Variants in ARHGEF3 observed in about 807,000 individuals in gnomAD.
ARHGEF3 encodes 59.8 kDA protein.
A neutral mutation model predicts 63.2 loss-of-function variants in ARHGEF3; 28 were observed. That is an observed-to-expected ratio of 0.44 (90% CI 0.33 to 0.61). ARHGEF3 has a LOEUF of 0.61. Ranked by LOEUF, ARHGEF3 falls within the 20% of genes least tolerant of loss-of-function variation. The probability of loss-of-function intolerance (pLI) is 0.03; values close to 1 mark genes in which losing one functional copy is unlikely to be tolerated. For missense variants in ARHGEF3, 533 were observed against 659.3 expected (o/e 0.81, Z 2.10); for synonymous variants, 266 against 254.2 (o/e 1.05, Z -0.44).
intron 4 of ARHGEF3, among the ~76,000 whole-genome samples, chr3:56,846,260 C>A (rs902279089): frequency 6.6e-5 from 10 of 152,136 alleles, no homozygotes; most frequent in Admixed American, 1.3e-4. Context: ...CAAAGGAGCA[C>A]AAGAACACAA....
intron 1 of ARHGEF3, among the ~76,000 whole-genome samples, chr3:57,052,818 G>C (rs957380817): frequency 2.0e-5 from 3 of 152,138 alleles, no homozygotes; most frequent in Admixed American, 2.0e-4. Context: ...CACCCAGCAG[G>C]AGTACCCAAG....
chr3:56,753,554 G>C lies in ARHGEF3; in HGVS notation c.388C>G (p.Leu130Val). ...ATCAAGTCTTCTTCTCCTTGGGAAA[G>C]CTCAAAGATCGCCTGCAAGGAAAGA... is the stretch of plus-strand genomic sequence containing the variant. ...EIKRQEAIFE[L>V]SQGEEDLIED... is the part of the protein sequence containing the mutation. Residue 130 changes from leucine to valine, a missense_variant, in exon 4 of 10, where the codon CTT becomes GTT. Leu to Val is a conservative substitution (Grantham distance 32). Coordinates refer to ENST00000296315, the MANE Select transcript of ARHGEF3 (RefSeq NM_019555.3). The C allele has an allele frequency of 6.2e-7, 1 of 1,613,488 alleles. No homozygotes were observed. Among genetic ancestry groups the C allele is most frequent in the Non-Finnish European group, 8.5e-7 (1 of 1,179,878 alleles).
rs2032865252 is a variant in ARHGEF3 at position 56,728,367 on chromosome 3, G to C, written c.*903C>G. ...TTCCTCTCCTGTGTTTCTATAAACA[G>C]TGTCATCGATAGAGTCATGGTCTCT... On this transcript the variant is annotated 3_prime_UTR_variant, in exon 10 of 10. Coordinates refer to ENST00000296315, the MANE Select transcript of ARHGEF3 (RefSeq NM_019555.3). 6.6e-6 allele frequency: 1 copy of C among 152,656 alleles called. No individual in the cohort carries two copies. The highest frequency in any genetic ancestry group is 1.5e-5 in the Non-Finnish European group (1 of 68,074). 9.5% of individuals were successfully genotyped at this position (152,656 alleles called of 1,614,324 possible).
chr3:56,871,276 C>T (rs146801983), intron 4 of ARHGEF3, among the ~76,000 whole-genome samples: 3 of 151,972 alleles, frequency 2.0e-5, no homozygotes, highest in African/African-American at 7.2e-5. Flanking sequence ...TGACATTTTA[C>T]CCCTAAACAC....
At chr3:57,079,254 C>T (rs1405724360) in exon 1 of ARHGEF3, 9 of 396,304 alleles carry the variant, frequency 2.3e-5, no homozygotes, top group Non-Finnish European at 3.6e-5. Context: ...TCGGCCTCTC[C>T]AGGCTGGAAA....
chr3:56,766,631 C>G (rs1360724408), intron 2 of ARHGEF3, among the ~76,000 whole-genome samples: 4 of 152,318 alleles, frequency 2.6e-5, no homozygotes. Flanking sequence ...CCTTGGCTTG[C>G]ATGGAAAACC....
At chr3:57,064,167 G>C (rs1281216601) in intron 1 of ARHGEF3, among the ~76,000 whole-genome samples, 1 of 152,112 alleles carries the variant, frequency 6.6e-6, no homozygotes, top group African/African-American at 2.4e-5. Context: ...TAACCCGGAA[G>C]CTGAGGTCAG....
At chr3:56,736,061 C>CACACAA (rs1478332199) in intron 8 of ARHGEF3, among the ~76,000 whole-genome samples, 6 of 108,882 alleles carry the variant, frequency 5.5e-5, no homozygotes, top group South Asian at 1.1e-3. Context: ...CACACACACA[C>CACACAA]ACACACACAC....
rs1481230275 is a variant in ARHGEF3 at position 56,773,774 on chromosome 3, A to G, written c.139T>C (p.Ser47Pro). Residue 47 changes from serine to proline, a missense_variant, in exon 2 of 10, where the codon TCG becomes CCG. By Grantham distance (74) the Ser-to-Pro change is moderately conservative (BLOSUM62 -1). Around this residue, in one of 4 missense-constraint regions of ARHGEF3, gnomAD observed 160 missense variants for 157.3 expected, o/e 1.02. Coordinates refer to ENST00000296315, the MANE Select transcript of ARHGEF3 (RefSeq NM_019555.3). Reference protein sequence around the residue: ...KRVKPLSRVTSLANLIPPVKA... With the variant: ...KRVKPLSRVTPLANLIPPVKA... Reference sequence around the variant, plus strand: ...ACGGGCGGGATGAGGTTTGCTAGCGACGTGACTCGGGAAAGGGGTTTGACC... The same window carrying G: ...ACGGGCGGGATGAGGTTTGCTAGCGGCGTGACTCGGGAAAGGGGTTTGACC... 2.5e-6 allele frequency: 4 copies of G among 1,603,284 alleles called. No individual in the cohort carries two copies. The East Asian group carries it at 9.0e-5, about 36-fold the overall frequency.
chr3:56,795,016 G>A (rs1448180366), intron 1 of ARHGEF3, among the ~76,000 whole-genome samples: 5 of 138,948 alleles, frequency 3.6e-5, no homozygotes, highest in African/African-American at 1.1e-4. Flanking sequence ...GTGTTACCAC[G>A]CTTGGTGAAT....
chr3:57,027,816 G>A (rs534705289), intron 2 of ARHGEF3, among the ~76,000 whole-genome samples: 215 of 152,118 alleles, frequency 1.4e-3, no homozygotes, highest in African/African-American at 4.7e-3. Flanking sequence ...CCGAGATCAC[G>A]CCATTGCACT....
chr3:56,802,884 C>T (rs1212424033), upstream of ARHGEF3, among the ~76,000 whole-genome samples: 1 of 152,178 alleles, frequency 6.6e-6, no homozygotes, highest in Non-Finnish European at 1.5e-5. Flanking sequence ...CTTAAATAAA[C>T]TTTCTTCACT....
At chr3:56,734,989 A>G (rs1194965904) in intron 8 of ARHGEF3, among the ~76,000 whole-genome samples, 2 of 152,158 alleles carry the variant, frequency 1.3e-5, no homozygotes, top group Non-Finnish European at 2.9e-5. Flanking sequence ...GCAACCTTTT[A>G]AAAATACAAC....
chr3:57,043,508 C>T (rs7646794), intron 1 of ARHGEF3, among the ~76,000 whole-genome samples: 112,691 of 150,816 alleles, frequency 0.75, 42,750 homozygotes, highest in East Asian at 0.94. Flanking sequence ...AAAAAAAAAC[C>T]CTGAGCATTA....
At chr3:56,987,378 G>A (rs566158709) in intron 2 of ARHGEF3, among the ~76,000 whole-genome samples, 43 of 152,318 alleles carry the variant, frequency 2.8e-4, no homozygotes, top group South Asian at 2.1e-4. Context: ...CCCCCTCTTT[G>A]TCTCTCAACT....
rs550046474 is a variant in ARHGEF3 at position 56,825,934 on chromosome 3, C to T, written c.193-52118G>A. 1.4e-4 allele frequency among the ~76,000 whole-genome samples: 22 copies of T among 152,348 alleles called. No homozygotes were observed. The South Asian group carries it at 1.5e-3, about 10-fold the overall frequency. On this transcript the variant is annotated intron_variant, in intron 4 of 12. Transcript: ENST00000338458. ...CTTTGGGAGTACATGTGACTCAGGA[C>T]TGACCAATCAGCAACCCTTCCTTCT...
At chr3:57,057,835 C>T (rs1222787181) in intron 1 of ARHGEF3, among the ~76,000 whole-genome samples, 2 of 152,168 alleles carry the variant, frequency 1.3e-5, no homozygotes, top group Admixed American at 6.5e-5. Flanking sequence ...CTGCCTCCTA[C>T]TATAACAGAC....
intron 2 of ARHGEF3, among the ~76,000 whole-genome samples, chr3:57,024,381 A>G (rs2107176545): frequency 6.6e-6 from 1 of 152,054 alleles, no homozygotes; most frequent in Non-Finnish European, 1.5e-5. Context: ...AAACAGATTC[A>G]ATTTTACTTG....
intron 6 of ARHGEF3, 45 bp downstream of exon 6, chr3:56,751,011 T>C: frequency 6.9e-7 from 1 of 1,446,850 alleles, no homozygotes; most frequent in Non-Finnish European, 9.5e-7. Context: ...CTCCCATCTA[T>C]ATTATTGAAA....
Sources: allele counts gnomAD v4.1 joint callset (sites outside exome capture counted in the v4.1 genomes callset), GRCh38; gene constraint gnomAD v4.1.1; regional missense constraint gnomAD v4.1.1; transcripts MANE v1.5; gene names NCBI Gene and HGNC (gene_info 2026-07-23, HGNC 2026-07-21).